The following HSPA12A variants were observed in gnomAD, a reference collection of about 807,000 sequenced individuals.
HSPA12A encodes the protein heat shock 70 kDa protein 12A.
A neutral mutation model predicts 69.2 loss-of-function variants in HSPA12A; 28 were observed. The observed-to-expected ratio is 0.40, with a 90% CI of 0.30 to 0.55. The LOEUF is 0.55. Ranked by LOEUF, HSPA12A falls within the 20% of genes least tolerant of loss-of-function variation. The pLI, the probability that HSPA12A is intolerant of heterozygous loss-of-function variation, is 0.38. For synonymous variants in HSPA12A, 345 were observed against 370.5 expected, an observed-to-expected ratio of 0.93 and a Z score of 0.79; for missense variants, 686 against 900.7, an observed-to-expected ratio of 0.76 and a Z score of 3.05.
At chr10:116,793,629 G>A (rs118138167) in intron 2 of HSPA12A, among the ~76,000 whole-genome samples, 120 of 151,886 alleles carry the variant, frequency 7.9e-4, no homozygotes, top group Non-Finnish European at 1.5e-3. Context: ...TCACAACAAT[G>A]GCATGCAAAT....
chr10:116,780,140 G>T (rs548009880), intron 2 of HSPA12A, among the ~76,000 whole-genome samples: 7 of 152,270 alleles, frequency 4.6e-5, no homozygotes, highest in Non-Finnish European at 8.8e-5. Context: ...CTGCATAGCT[G>T]CAGGGCACTG....
Position 116,799,781 on chromosome 10 carries a change from C to T in HSPA12A, c.91+35154G>A, listed in dbSNP as rs151080278. 2.7e-3 allele frequency among the ~76,000 whole-genome samples: 408 copies of T among 152,292 alleles called. 1 individual carries two copies. The highest frequency in any genetic ancestry group is 9.6e-3 in the African/African-American group (399 of 41,550). Reference sequence around the variant, plus strand: ...AGGGCTGTCTCCAAGTGCTTCACACCAGGTAGGTGCTCAGCGCGTGCTTAG... The same window carrying T: ...AGGGCTGTCTCCAAGTGCTTCACACTAGGTAGGTGCTCAGCGCGTGCTTAG... On this transcript the variant is annotated intron_variant, in intron 2 of 12. Coordinates refer to the HSPA12A transcript ENST00000635765.
intron 2 of HSPA12A, among the ~76,000 whole-genome samples, chr10:116,818,985 G>A (rs914892144): frequency 4.6e-5 from 7 of 151,970 alleles, no homozygotes; most frequent in East Asian, 3.9e-4. Flanking sequence ...ACTCTCTCTC[G>A]CTGGATTCCT....
chr10:116,844,838 G>A (rs1055787476), intron 1 of HSPA12A, among the ~76,000 whole-genome samples: 3 of 152,150 alleles, frequency 2.0e-5, no homozygotes, highest in Non-Finnish European at 4.4e-5. Flanking sequence ...TTAAATAAAG[G>A]TGTTGGACAG....
At chr10:116,732,201 A>C (rs1320471880) in intron 1 of HSPA12A, among the ~76,000 whole-genome samples, 1 of 151,854 alleles carries the variant, frequency 6.6e-6, no homozygotes, top group African/African-American at 2.4e-5. Flanking sequence ...GTGGTGGTGC[A>C]TGCCTGTAAT....
At chr10:116,698,261 T>C in intron 5 of HSPA12A, 1 of 180,518 alleles carries the variant, frequency 5.5e-6, no homozygotes. Context: ...CACATTCATG[T>C]ATACGTGTGT....
upstream of HSPA12A, among the ~76,000 whole-genome samples, chr10:116,747,476 AAGG>A (rs1851674264): frequency 6.6e-6 from 1 of 152,208 alleles, no homozygotes; most frequent in African/African-American, 2.4e-5. Context: ...GCCACATCTC[AAGG>A]AGGACAATGC....
chr10:116,791,234 G>C (rs924588680), intron 2 of HSPA12A, among the ~76,000 whole-genome samples: 7 of 152,208 alleles, frequency 4.6e-5, no homozygotes, highest in Admixed American at 3.9e-4. Context: ...GAAGAGCCTA[G>C]ATAGGCCATT....
chr10:116,736,591 T>A (rs1554886452), intron 1 of HSPA12A, among the ~76,000 whole-genome samples: 1 of 151,866 alleles, frequency 6.6e-6, no homozygotes, highest in Non-Finnish European at 1.5e-5. Flanking sequence ...AGAAAGGGAA[T>A]GGGAGGAGGA....
At chr10:116,823,208 T>C (rs1845436484) in intron 2 of HSPA12A, among the ~76,000 whole-genome samples, 1 of 152,192 alleles carries the variant, frequency 6.6e-6, no homozygotes, top group Non-Finnish European at 1.5e-5. Flanking sequence ...CCCTTTACAA[T>C]AGCATCACAA....
In HSPA12A at chr10:116,742,493, G is replaced by T; in HGVS notation, c.-24C>A. On this transcript the variant is annotated 5_prime_UTR_variant, in exon 1 of 12. Transcript: ENST00000369209. ...ATGGTCGCGCAGCCCCGGACCGCGA[G>T]GGGAGCCTCCAGCGCAGCGCCCGTG... 1 of 1,331,934 alleles carries T rather than the reference G, an allele frequency of 7.5e-7. No individual in the cohort carries two copies. Among genetic ancestry groups the T allele is most frequent in the South Asian group, 1.7e-5 (1 of 57,764 alleles). The allele number at this position is 1,331,934 out of a possible 1,614,324, so 82.5% of individuals were successfully genotyped here. A position where few individuals can be genotyped will look rare whatever the true frequency, so the allele number is the denominator to read the frequency against.
intron 1 of HSPA12A, among the ~76,000 whole-genome samples, chr10:116,844,403 T>C (rs1458344011): frequency 3.3e-5 from 5 of 152,208 alleles, no homozygotes; most frequent in African/African-American, 1.2e-4. Flanking sequence ...TCCCCATTTA[T>C]TAGCCAGATA....
chr10:116,768,430 T>A (rs1554890000), intron 2 of HSPA12A, among the ~76,000 whole-genome samples: 1 of 152,230 alleles, frequency 6.6e-6, no homozygotes, highest in Non-Finnish European at 1.5e-5. Flanking sequence ...ACAATGGTGA[T>A]GCTTGCACAA....
At chr10:116,785,104 G>A (rs1844548154) in intron 2 of HSPA12A, among the ~76,000 whole-genome samples, 1 of 152,114 alleles carries the variant, frequency 6.6e-6, no homozygotes, top group African/African-American at 2.4e-5. Context: ...CCAGCCTTTG[G>A]GAGGGGCGTC....
chr10:116,734,072 A>T (rs1554886143), intron 1 of HSPA12A, among the ~76,000 whole-genome samples: 1 of 152,200 alleles, frequency 6.6e-6, no homozygotes, highest in African/African-American at 2.4e-5. Flanking sequence ...TTCCAAAAAC[A>T]GTAACGGAGC....
intron 2 of HSPA12A, among the ~76,000 whole-genome samples, chr10:116,795,953 G>A (rs556700865): frequency 6.7e-6 from 1 of 150,248 alleles, no homozygotes. Flanking sequence ...GAGATCATCC[G>A]GGCTAACATG....
intron 7 of HSPA12A, among the ~76,000 whole-genome samples, chr10:116,682,454 C>G (rs570084717): frequency 1.4e-5 from 2 of 140,972 alleles, no homozygotes; most frequent in South Asian, 4.6e-4. Context: ...GGTAAATAGA[C>G]TGGGGGGGGG....
intron 2 of HSPA12A, among the ~76,000 whole-genome samples, chr10:116,803,951 C>T (rs192672174): frequency 2.0e-5 from 3 of 152,188 alleles, no homozygotes; most frequent in Admixed American, 1.3e-4. Context: ...ATTATTAGGT[C>T]CCCCAGTAAA....
chr10:116,844,447 A>AGCTATTTTTAATT (rs1425838499), intron 1 of HSPA12A, among the ~76,000 whole-genome samples: 2 of 152,230 alleles, frequency 1.3e-5, no homozygotes, highest in Non-Finnish European at 2.9e-5. Flanking sequence ...TTTAATTTAC[A>AGCTATTTTTAATT]GCTATTTATA....
Sources: allele counts gnomAD v4.1 joint callset (sites outside exome capture counted in the v4.1 genomes callset), GRCh38; gene constraint gnomAD v4.1.1; transcripts MANE v1.5; gene names NCBI Gene and HGNC (gene_info 2026-07-23, HGNC 2026-07-21).